The following NAA16 variants were observed in gnomAD, a reference collection of about 807,000 sequenced individuals.
NAA16 encodes NARG1-like protein.
In NAA16, 97 loss-of-function variants were observed where a neutral mutation model predicts 110.3. The ratio of observed to expected loss-of-function variants is 0.88; its 90% CI spans 0.75 to 1.04. The LOEUF is 1.04. NAA16 is among the 50% of genes least tolerant of loss of function. The pLI is 0.00. For missense variants in NAA16, 1,017 were observed against 1,005.1 expected (o/e 1.01, Z -0.16); for synonymous variants, 372 against 330.6 (o/e 1.13, Z -1.36).
At chr13:41,346,006 TG>T in intron 9 of NAA16, among the ~76,000 whole-genome samples, 1 of 152,276 alleles carries the variant, frequency 6.6e-6, no homozygotes, top group Non-Finnish European at 1.5e-5. Context: ...ATTTTTAATT[TG>T]GATGAAGTCC....
intron 9 of NAA16, among the ~76,000 whole-genome samples, chr13:41,352,208 G>T (rs1360855520): frequency 6.6e-6 from 1 of 152,094 alleles, no homozygotes. Flanking sequence ...CAGGTGTGGT[G>T]GTGCATGCCT....
intron 1 of NAA16, among the ~76,000 whole-genome samples, chr13:41,315,869 A>C (rs191904547): frequency 2.0e-5 from 3 of 152,054 alleles, no homozygotes; most frequent in Admixed American, 2.0e-4. Context: ...TCGTGGGCTC[A>C]AGTGATCCTC....
chr13:41,336,623 A>G, intron 8 of NAA16, 27 bp from the exon 9 acceptor site: 1 of 1,352,856 alleles, frequency 7.4e-7, no homozygotes, highest in South Asian at 1.3e-5. Flanking sequence ...TGAACCAAAG[A>G]ATAACAAAGT....
At chr13:41,360,476 G>A (rs74513548) in intron 12 of NAA16, among the ~76,000 whole-genome samples, 4,221 of 152,286 alleles carry the variant, frequency 0.028, 76 homozygotes, top group Middle Eastern at 0.051. Flanking sequence ...ACTGGGATGC[G>A]TCTTTAAAGG....
chr13:41,369,376 AAGC>A, intron 15 of NAA16, 93 bp downstream of exon 15: 2 of 1,191,044 alleles, frequency 1.7e-6, no homozygotes, highest in Non-Finnish European at 2.3e-6. Flanking sequence ...AATCTGTAAG[AAGC>A]CATTTGAAAT....
chr13:41,352,134 G>C (rs1403689135), intron 9 of NAA16, among the ~76,000 whole-genome samples: 1 of 152,166 alleles, frequency 6.6e-6, no homozygotes, highest in Non-Finnish European at 1.5e-5. Flanking sequence ...TTGCGCTCAG[G>C]AGTTTGAGAC....
In NAA16 at chr13:41,376,414, T is replaced by G. The variant is rs977307297; in HGVS notation, c.*812T>G. ...TATTCATGAAAATGGTATTTTCTGGTTGAATAAGGGTACTCTAGTTTTATG... is the reference window on the plus strand; with the variant it reads ...TATTCATGAAAATGGTATTTTCTGGGTGAATAAGGGTACTCTAGTTTTATG... On this transcript the variant is annotated 3_prime_UTR_variant, in exon 20 of 20. Coordinates refer to ENST00000379406, the MANE Select transcript of NAA16 (RefSeq NM_024561.5). 1 of 152,230 alleles carries G rather than the reference T, an allele frequency of 6.6e-6. No homozygotes were observed. The highest frequency in any genetic ancestry group is 1.5e-5 in the Non-Finnish European group (1 of 68,026). The allele number at this position is 152,230 out of a possible 1,614,324, so 9.4% of individuals were successfully genotyped here. A position where few individuals can be genotyped will look rare whatever the true frequency, so the allele number is the denominator to read the frequency against.
At chr13:41,317,977 CTAAGTA>C (rs1190794971) in intron 2 of NAA16, among the ~76,000 whole-genome samples, 13 of 152,098 alleles carry the variant, frequency 8.5e-5, no homozygotes, top group African/African-American at 3.1e-4. Context: ...GTTAATTAGC[CTAAGTA>C]TAATTTGTTG....
Position 41,375,794 on chromosome 13 carries a change from T to A in NAA16, c.*192T>A, listed in dbSNP as rs1330473608. ...TAACCATCTGTTAAAATTACCTGTTTATTCTTACACAGTTTTGTGGTAGCT... is the reference window on the plus strand; with the variant it reads ...TAACCATCTGTTAAAATTACCTGTTAATTCTTACACAGTTTTGTGGTAGCT... On this transcript the variant is annotated 3_prime_UTR_variant, in exon 20 of 20. Coordinates refer to ENST00000379406, the MANE Select transcript of NAA16 (RefSeq NM_024561.5). 2.0e-6 allele frequency: 1 copy of A among 492,556 alleles called. No individual in the cohort carries two copies. The highest frequency in any genetic ancestry group is 3.6e-6 in the Non-Finnish European group (1 of 280,850). The allele number at this position is 492,556 out of a possible 1,614,324, so 30.5% of individuals were successfully genotyped here. A position where few individuals can be genotyped will look rare whatever the true frequency, so the allele number is the denominator to read the frequency against.
At chr13:41,374,689 A>G (rs1593539615) in intron 18 of NAA16, 53 bp from the exon 19 acceptor site, 1 of 1,203,028 alleles carries the variant, frequency 8.3e-7, no homozygotes, top group South Asian at 1.3e-5. Context: ...TTGATATCAC[A>G]TAAAATGTAA....
At chr13:41,329,176 T>G (rs546193226) in intron 7 of NAA16, among the ~76,000 whole-genome samples, 1 of 152,004 alleles carries the variant, frequency 6.6e-6, no homozygotes, top group African/African-American at 2.4e-5. Context: ...TTCTGGGAAG[T>G]GTTGTAACTA....
chr13:41,335,876 C>A (rs1157142012), intron 8 of NAA16, among the ~76,000 whole-genome samples: 2 of 150,654 alleles, frequency 1.3e-5, no homozygotes, highest in Non-Finnish European at 3.0e-5. Flanking sequence ...TTTTTTTCCC[C>A]CAAATGATTA....
intron 7 of NAA16, among the ~76,000 whole-genome samples, chr13:41,329,145 G>A (rs2042169784): frequency 1.3e-5 from 2 of 151,942 alleles, no homozygotes; most frequent in Admixed American, 6.6e-5. Flanking sequence ...AGGGACATGG[G>A]AAAGAAAATG....
At chr13:41,334,287 C>T (rs2042320078) in intron 8 of NAA16, among the ~76,000 whole-genome samples, 1 of 151,986 alleles carries the variant, frequency 6.6e-6, no homozygotes, top group Non-Finnish European at 1.5e-5. Flanking sequence ...TTTCTAACAC[C>T]TGAAAATATT....
At position 41,325,348 on chromosome 13, in the gene NAA16, C is replaced by T. The variant is rs1416601253; in HGVS notation, c.538-350C>T. 2.6e-5 allele frequency among the ~76,000 whole-genome samples: 4 copies of T among 152,026 alleles called. No individual in the cohort carries two copies. In the East Asian group the frequency reaches 7.7e-4, roughly 29 times the overall value. On this transcript the variant is annotated intron_variant, in intron 5 of 19. Transcript: ENST00000379406. ...AAACCCACAATATCTCCAAGGTATA[C>T]CTGTAATTGATTTGTCTTCATTGAT...
intron 9 of NAA16, among the ~76,000 whole-genome samples, chr13:41,339,749 A>C (rs2042485434): frequency 6.6e-6 from 1 of 152,042 alleles, no homozygotes; most frequent in South Asian, 2.1e-4. Flanking sequence ...TAGTAGAGAC[A>C]GGGTTTCATG....
chr13:41,313,396 C>T (rs2041704347), intron 1 of NAA16, among the ~76,000 whole-genome samples: 2 of 152,134 alleles, frequency 1.3e-5, no homozygotes, highest in East Asian at 3.8e-4. Flanking sequence ...TGTAATGTTT[C>T]TGACAAGGTT....
chr13:41,349,360 A>G (rs2042767394), intron 9 of NAA16, among the ~76,000 whole-genome samples: 1 of 151,310 alleles, frequency 6.6e-6, no homozygotes, highest in South Asian at 2.1e-4. Flanking sequence ...TAAGTTGTTT[A>G]TTTTGTAAAG....
chr13:41,373,882 T>C (rs1186944327), intron 18 of NAA16, 102 bp downstream of exon 18: 1 of 1,424,442 alleles, frequency 7.0e-7, no homozygotes, highest in Non-Finnish European at 9.2e-7. Context: ...GTACTGTGTG[T>C]AAGTATGGGG....
Sources: gnomAD v4.1 joint callset for allele counts (sites outside exome capture counted in the v4.1 genomes callset) on GRCh38, gnomAD v4.1.1 for gene constraint, MANE v1.5 for transcripts, NCBI Gene and HGNC (gene_info 2026-07-23, HGNC 2026-07-21) for gene names.